SREBF2: variants seen among roughly 807,000 people sequenced by gnomAD.
SREBF2 encodes the protein sterol regulatory element binding transcription factor 2.
A neutral mutation model predicts 113.1 loss-of-function variants in SREBF2; 55 were observed. The observed-to-expected ratio is 0.49, with a 90% confidence interval of 0.39 to 0.61. The LOEUF is 0.61. SREBF2 is among the 20% of genes least tolerant of loss of function. The pLI, the probability that SREBF2 is intolerant of heterozygous loss-of-function variation, is 0.00. For missense variants in SREBF2, 1,349 were observed against 1,487.4 expected (o/e 0.91, Z 1.53); for synonymous variants, 593 against 605.7 (o/e 0.98, Z 0.31).
At chr22:41,860,381 T>C (rs2077016512) in intron 1 of SREBF2, among the ~76,000 whole-genome samples, 1 of 152,150 alleles carries the variant, frequency 6.6e-6, no homozygotes, top group African/African-American at 2.4e-5. Flanking sequence ...CAGTTAGTAC[T>C]CAGTCATGCA....
intron 1 of SREBF2, among the ~76,000 whole-genome samples, chr22:41,837,714 C>T (rs1313471688): frequency 1.3e-5 from 2 of 151,474 alleles, no homozygotes; most frequent in South Asian, 2.1e-4. Context: ...CAAAATTAGC[C>T]GGGCGTCGTG....
chr22:41,860,135 CT>C (rs1379779189), intron 1 of SREBF2, among the ~76,000 whole-genome samples: 4 of 151,208 alleles, frequency 2.6e-5, no homozygotes, highest in Non-Finnish European at 5.9e-5. Context: ...CTATGTCATT[CT>C]TTTTTTCTGA....
chr22:41,844,692 T>G (rs941226647), intron 1 of SREBF2, among the ~76,000 whole-genome samples: 1 of 152,176 alleles, frequency 6.6e-6, no homozygotes, highest in Admixed American at 6.5e-5. Flanking sequence ...GGAACAGGTC[T>G]GTTGGGTTCA....
chr22:41,906,963 C>A lies in SREBF2; in HGVS notation c.*1303C>A, dbSNP rs1423362225. On this transcript the variant is annotated 3_prime_UTR_variant, in exon 19 of 19. Coordinates refer to ENST00000361204, the MANE Select transcript of SREBF2 (RefSeq NM_004599.4). ...TGGGCCCTGCCTCCCTGTGCCTCATCCTCAGGCTGGTTGGAGCAGAGGGTG... is the reference window on the plus strand; with the variant it reads ...TGGGCCCTGCCTCCCTGTGCCTCATACTCAGGCTGGTTGGAGCAGAGGGTG... 1.3e-5 allele frequency: 2 copies of A among 152,224 alleles called. No homozygotes were observed. The highest frequency in any genetic ancestry group is 2.9e-5 in the Non-Finnish European group (2 of 68,048). 9.4% of individuals were successfully genotyped at this position (152,224 alleles called of 1,614,324 possible). A position where few individuals can be genotyped will look rare whatever the true frequency, so the allele number is the denominator to read the frequency against.
At chr22:41,846,410 G>A (rs1293275270) in intron 1 of SREBF2, among the ~76,000 whole-genome samples, 1 of 152,180 alleles carries the variant, frequency 6.6e-6, no homozygotes, top group Non-Finnish European at 1.5e-5. Context: ...ATTAATCAGA[G>A]CTGACTGGCA....
At chr22:41,892,114 C>T (rs959576685) in intron 11 of SREBF2, among the ~76,000 whole-genome samples, 7 of 152,072 alleles carry the variant, frequency 4.6e-5, no homozygotes, top group Admixed American at 1.3e-4. Flanking sequence ...TGTAGGGGGC[C>T]GCCCTTGCAG....
intron 14 of SREBF2, among the ~76,000 whole-genome samples, chr22:41,898,188 G>T (rs1455304350): frequency 6.6e-6 from 1 of 152,098 alleles, no homozygotes; most frequent in African/African-American, 2.4e-5. Flanking sequence ...TCGGCTCACT[G>T]CAACCTCCGC....
intron 1 of SREBF2, among the ~76,000 whole-genome samples, chr22:41,863,927 G>C (rs866932156): frequency 4.9e-4 from 74 of 151,520 alleles, no homozygotes; most frequent in African/African-American, 1.7e-3. Flanking sequence ...TGTTCCCTAG[G>C]CTGGAGTACA....
At chr22:41,836,479 G>T (rs541399412) in intron 1 of SREBF2, among the ~76,000 whole-genome samples, 3 of 152,342 alleles carry the variant, frequency 2.0e-5, no homozygotes, top group Non-Finnish European at 4.4e-5. Context: ...AGGACAAAAA[G>T]AGTTGGGCAT....
rs771401440 is a variant in SREBF2, at chr22:41,903,129, C to T, written c.3067C>T (p.His1023Tyr). ...RDLGSLRRLA[H>Y]SFRPAYRKVF... is the part of the protein sequence containing the mutation. ...CCTGGGCAGCCTGCGCAGGCTGGCACACAGCTTCCGCCCAGCATACCGCAA... is the reference window on the plus strand; with the variant it reads ...CCTGGGCAGCCTGCGCAGGCTGGCATACAGCTTCCGCCCAGCATACCGCAA... The change falls in exon 17 of 19, where the codon CAC becomes TAC. Residue 1023 changes from histidine (H) to tyrosine (Y), a missense_variant. Physicochemically the swap from His to Tyr is moderately conservative, Grantham distance 83 (BLOSUM62 2). This residue lies in a region of SREBF2 where 650 missense variants were observed against 644.1 expected (regional missense o/e 1.01). Transcript: ENST00000361204. 46 of 1,557,040 alleles carry T rather than the reference C, an allele frequency of 3.0e-5. No individual in the cohort carries two copies. The highest frequency in any genetic ancestry group is 3.9e-5 in the Non-Finnish European group (45 of 1,150,622).
chr22:41,838,721 A>G (rs941108725), intron 1 of SREBF2, among the ~76,000 whole-genome samples: 6 of 152,202 alleles, frequency 3.9e-5, no homozygotes, highest in African/African-American at 1.4e-4. Context: ...TGACAGAGCA[A>G]GACCTTGTCT....
At chr22:41,855,862 C>T (rs1325201526) in intron 1 of SREBF2, among the ~76,000 whole-genome samples, 1 of 151,160 alleles carries the variant, frequency 6.6e-6, no homozygotes, top group Admixed American at 6.6e-5. Flanking sequence ...CTCAAGTGAT[C>T]CTCCCACCTC....
chr22:41,870,737 T>C (rs1017020387), intron 3 of SREBF2, 152 bp from the exon 4 acceptor site: 4 of 1,085,904 alleles, frequency 3.7e-6, no homozygotes, highest in Non-Finnish European at 5.3e-6. Flanking sequence ...TGAAATGGCC[T>C]CTATGAAATT....
rs772417795 is a variant in SREBF2, at chr22:41,868,659, C to T, written c.587C>T (p.Pro196Leu). 1.2e-6 allele frequency: 2 copies of T among 1,614,218 alleles called. No homozygotes were observed. Among genetic ancestry groups the T allele is most frequent in the Non-Finnish European group, 1.7e-6 (2 of 1,180,050 alleles). The change falls in exon 3 of 19, where the codon CCG (proline) becomes CTG (leucine). Residue 196 changes from proline to leucine, a missense_variant. By Grantham distance (98) the Pro-to-Leu change is moderately conservative. Around this residue, in one of 2 missense-constraint regions of SREBF2, gnomAD observed 699 missense variants for 843.3 expected, o/e 0.83. Coordinates refer to ENST00000361204, the MANE Select transcript of SREBF2 (RefSeq NM_004599.4). ...CTGGTGACATCCTCCCAGGTACAGCCGGTCACCATTCAGCAGCAGGTGCAG... is the reference window on the plus strand; with the variant it reads ...CTGGTGACATCCTCCCAGGTACAGCTGGTCACCATTCAGCAGCAGGTGCAG... ...QSLVTSSQVQ[P>L]VTIQQQVQTV... is the part of the protein sequence containing the mutation.
intron 1 of SREBF2, among the ~76,000 whole-genome samples, chr22:41,864,255 T>TACACACAC (rs1476279050): frequency 1.3e-4 from 10 of 75,706 alleles, no homozygotes; most frequent in African/African-American, 4.1e-4. Context: ...TATATATATA[T>TACACACAC]ATATATACAC....
At chr22:41,836,837 G>C (rs762989215) in intron 1 of SREBF2, among the ~76,000 whole-genome samples, 41 of 152,132 alleles carry the variant, frequency 2.7e-4, no homozygotes, top group Admixed American at 2.4e-3. Context: ...TGTATGGTGG[G>C]GATAAGGGGT....
chr22:41,906,099 T>G lies in SREBF2; in HGVS notation c.*439T>G. On this transcript the variant is annotated 3_prime_UTR_variant, in exon 19 of 19. Coordinates refer to ENST00000361204, the MANE Select transcript of SREBF2 (RefSeq NM_004599.4). ...TGTGCCCAGCATGCCCTCCCCTTTT[T>G]ATACGAATGTTTTCTACCAGTGTGC... The G allele has an allele frequency of 2.3e-6, 1 of 427,750 alleles. No homozygotes were observed. The highest frequency in any genetic ancestry group is 4.7e-6 in the Non-Finnish European group (1 of 213,640). 26.5% of individuals were successfully genotyped at this position (427,750 alleles called of 1,614,324 possible). A position where few individuals can be genotyped will look rare whatever the true frequency, so the allele number is the denominator to read the frequency against.
intron 1 of SREBF2, among the ~76,000 whole-genome samples, chr22:41,858,984 G>T (rs2413661): frequency 0.011 from 1,682 of 151,866 alleles, 29 homozygotes; most frequent in African/African-American, 0.039. Context: ...TCTACTGGGC[G>T]TGGTGGCGGG....
Position 41,833,357 on chromosome 22 carries a change from C to T in SREBF2, c.87C>T (p.Asp29=). ...LGDELTLGDI[D]EMLQFVSNQV... ...ACGAGCTGACCCTGGGAGACATCGA[C>T]GGTGAGTGGTGGGTGGGTGGGAGTG... Residue 29 remains aspartate (D), a splice_region_variant and synonymous_variant, in exon 1 of 19, where the codon GAC becomes GAT. Transcript: ENST00000361204. This position sits in a 1 kb window ranked among gnomAD's most constrained non-coding sequence, Gnocchi z 4.1. 1 of 387,262 alleles carries T rather than the reference C, an allele frequency of 2.6e-6. No homozygotes were observed. The highest frequency in any genetic ancestry group is 3.1e-5 in the African/African-American group (1 of 32,458). 24.0% of individuals were successfully genotyped at this position (387,262 alleles called of 1,614,324 possible). A position where few individuals can be genotyped will look rare whatever the true frequency, so the allele number is the denominator to read the frequency against.
Sources: allele counts gnomAD v4.1 joint callset (sites outside exome capture counted in the v4.1 genomes callset), GRCh38; gene constraint gnomAD v4.1.1; regional missense constraint gnomAD v4.1.1; non-coding constraint Gnocchi (gnomAD v3.1); transcripts MANE v1.5; gene names NCBI Gene and HGNC (gene_info 2026-07-23, HGNC 2026-07-21).